Variants in DLGAP2 observed in about 807,000 individuals in gnomAD.
DLGAP2 encodes the protein DLG associated protein 2.
Under a neutral mutation model 100.3 loss-of-function variants are expected in DLGAP2, and 26 were observed. The ratio of observed to expected loss-of-function variants is 0.26; its 90% confidence interval spans 0.19 to 0.36. DLGAP2 has a LOEUF of 0.36. DLGAP2 is among the 10% of genes least tolerant of loss of function. DLGAP2 has a pLI of 1.00. For missense variants in DLGAP2, 1,858 were observed against 1,453.2 expected, an observed-to-expected ratio of 1.28 and a Z score of -4.53; for synonymous variants, 886 against 630.1, an observed-to-expected ratio of 1.41 and a Z score of -6.08.
At chr8:1,131,708 G>A (rs1796299313) in intron 2 of DLGAP2, among the ~76,000 whole-genome samples, 1 of 151,938 alleles carries the variant, frequency 6.6e-6, no homozygotes, top group East Asian at 1.9e-4. Flanking sequence ...CATTAGGTGA[G>A]ATGTTTGCTT....
chr8:1,465,825 G>T (rs148007237), intron 3 of DLGAP2, among the ~76,000 whole-genome samples: 1 of 152,232 alleles, frequency 6.6e-6, no homozygotes, highest in African/African-American at 2.4e-5. Flanking sequence ...CCTCAGGGGC[G>T]TGAGGTAGGA....
chr8:885,112 T>G (rs1797897563), intron 1 of DLGAP2, among the ~76,000 whole-genome samples: 1 of 152,182 alleles, frequency 6.6e-6, no homozygotes, highest in African/African-American at 2.4e-5. Flanking sequence ...CTTGGCTATA[T>G]GGGGTCTTCT....
intron 3 of DLGAP2, among the ~76,000 whole-genome samples, chr8:1,330,809 G>C (rs1801139032): frequency 1.4e-5 from 2 of 138,822 alleles, no homozygotes; most frequent in South Asian, 4.8e-4. Context: ...CGGGGACCGA[G>C]TTCTGGGTGG....
At chr8:1,671,523 C>T (rs1393004374) in intron 10 of DLGAP2, among the ~76,000 whole-genome samples, 1 of 152,228 alleles carries the variant, frequency 6.6e-6, no homozygotes, top group Admixed American at 6.5e-5. Flanking sequence ...CCAGGAGGGT[C>T]CTGTCCCGGG....
At chr8:1,517,859 G>A (rs906068610) in intron 4 of DLGAP2, among the ~76,000 whole-genome samples, 2 of 152,214 alleles carry the variant, frequency 1.3e-5, no homozygotes, top group Non-Finnish European at 1.5e-5. Flanking sequence ...CCTGGGGGCA[G>A]GGTCATGGAA....
chr8:1,280,994 A>G (rs1340391963), intron 3 of DLGAP2, among the ~76,000 whole-genome samples: 1 of 152,218 alleles, frequency 6.6e-6, no homozygotes, highest in Non-Finnish European at 1.5e-5. Flanking sequence ...TCCTTACGAT[A>G]GCTCCACGAC....
chr8:1,089,028 A>G lies in DLGAP2; in HGVS notation c.74-169823A>G, dbSNP rs187709314. On this transcript the variant is annotated intron_variant, in intron 2 of 14. Transcript: ENST00000637795. ...CCCGGCCTCACTCTCTCCACCCCTCATCCAGCAGGCTATGCCATTCTTGCT... is the reference window on the plus strand; with the variant it reads ...CCCGGCCTCACTCTCTCCACCCCTCGTCCAGCAGGCTATGCCATTCTTGCT... Among the ~76,000 whole-genome samples the G allele has an allele frequency of 1.3e-4, 14 of 110,456 alleles. 1 individual carries two copies. Among genetic ancestry groups the G allele is most frequent in the East Asian group, 9.9e-4 (3 of 3,042 alleles). 72.5% of individuals were successfully genotyped at this position (110,456 alleles called of 152,430 possible).
chr8:1,053,424 A>C (rs1802780761), intron 2 of DLGAP2, among the ~76,000 whole-genome samples: 1 of 152,186 alleles, frequency 6.6e-6, no homozygotes, highest in South Asian at 2.1e-4. Flanking sequence ...CTTGATCTCC[A>C]CAGAGAAGGA....
chr8:1,581,586 T>A (rs762563531), intron 6 of DLGAP2, among the ~76,000 whole-genome samples: 1 of 141,464 alleles, frequency 7.1e-6, no homozygotes, highest in South Asian at 2.3e-4. Context: ...CCCACACATA[T>A]ACACACACCA....
chr8:857,267 G>A (rs534402005), intron 1 of DLGAP2, among the ~76,000 whole-genome samples: 8 of 152,248 alleles, frequency 5.3e-5, no homozygotes, highest in African/African-American at 1.9e-4. Context: ...GAGAACCCTG[G>A]GTAAGCTTTG....
intron 2 of DLGAP2, among the ~76,000 whole-genome samples, chr8:917,839 A>T (rs962700539): frequency 6.6e-6 from 1 of 152,134 alleles, no homozygotes; most frequent in African/African-American, 2.4e-5. Context: ...TCGGCCTCCT[A>T]GAGTGCTGGG....
intron 1 of DLGAP2, among the ~76,000 whole-genome samples, chr8:809,370 C>G (rs1056922127): frequency 6.6e-6 from 1 of 151,980 alleles, no homozygotes; most frequent in African/African-American, 2.4e-5. Context: ...TGACTTTTAC[C>G]TACACCATTT....
intron 2 of DLGAP2, among the ~76,000 whole-genome samples, chr8:1,257,909 A>C (rs1799263047): frequency 6.6e-6 from 1 of 152,200 alleles, no homozygotes; most frequent in South Asian, 2.1e-4. Flanking sequence ...TCATGTTCTC[A>C]GGAAAGTGGA....
chr8:1,683,878 GT>G (rs1799032060), intron 12 of DLGAP2, among the ~76,000 whole-genome samples: 1 of 106,618 alleles, frequency 9.4e-6, no homozygotes, highest in Non-Finnish European at 1.8e-5. Context: ...GTGTGTGTGT[GT>G]GTGTGTGTGT....
At chr8:1,449,599 G>C (rs1174957602) in intron 3 of DLGAP2, among the ~76,000 whole-genome samples, 1 of 152,166 alleles carries the variant, frequency 6.6e-6, no homozygotes, top group Admixed American at 6.5e-5. Context: ...GGGTGGGCCT[G>C]GCACTCTGCA....
rs76267941 is a variant in DLGAP2, at chr8:1,328,968, A to C, written c.106+70085A>C. The stretch of plus-strand genomic sequence containing the variant: ...AACACTCTGAGTAGCTGTGTTATGA[A>C]TTATGCGTGGAAGGCACTTTTCAGC... On this transcript the variant is annotated intron_variant, in intron 3 of 14. Transcript: ENST00000637795. Among the ~76,000 whole-genome samples, 188 of 152,334 alleles carry C rather than the reference A, an allele frequency of 1.2e-3. 1 individual carries two copies. Among genetic ancestry groups the C allele is most frequent in the African/African-American group, 4.3e-3 (177 of 41,580 alleles).
intron 1 of DLGAP2, among the ~76,000 whole-genome samples, chr8:859,128 T>G (rs559676873): frequency 1.1e-3 from 165 of 151,952 alleles, no homozygotes; most frequent in Non-Finnish European, 2.0e-3. Flanking sequence ...TTTTTTTTTT[T>G]TGAGATGGAG....
At chr8:1,483,714 T>G (rs1799167938) in intron 3 of DLGAP2, among the ~76,000 whole-genome samples, 1 of 150,006 alleles carries the variant, frequency 6.7e-6, no homozygotes, top group Non-Finnish European at 1.5e-5. Flanking sequence ...GTGCAGGACG[T>G]GGGGACCAGG....
chr8:1,673,040 C>G (rs1284826025), intron 10 of DLGAP2, among the ~76,000 whole-genome samples: 1 of 152,244 alleles, frequency 6.6e-6, no homozygotes, highest in Admixed American at 6.5e-5. Flanking sequence ...CGCTGCTAGC[C>G]TGGGACTGCA....
Sources: allele counts gnomAD v4.1 joint callset (sites outside exome capture counted in the v4.1 genomes callset), GRCh38; gene constraint gnomAD v4.1.1; transcripts MANE v1.5; gene names NCBI Gene and HGNC (gene_info 2026-07-23, HGNC 2026-07-21).